Variants in TMEM132D observed in about 807,000 individuals in gnomAD.
TMEM132D encodes mature OL transmembrane protein.
Under a neutral mutation model 62.3 loss-of-function variants are expected in TMEM132D, and 21 were observed. That is an observed-to-expected ratio of 0.34 (90% CI 0.24 to 0.49). The LOEUF is 0.49. Among genes scored for constraint, TMEM132D ranks in the 20% least tolerant of loss-of-function variants. The pLI, the probability that TMEM132D is intolerant of heterozygous loss-of-function variation, is 0.99. For missense variants in TMEM132D, 1,346 were observed against 1,402.8 expected (o/e 0.96, Z 0.65); for synonymous variants, 621 against 575.6 (o/e 1.08, Z -1.13).
chr12:129,251,510 G>T (rs1880266254), intron 4 of TMEM132D, among the ~76,000 whole-genome samples: 1 of 152,118 alleles, frequency 6.6e-6, no homozygotes, highest in Non-Finnish European at 1.5e-5. Context: ...CTGTTTGCCT[G>T]CAGGCATCTC....
At chr12:129,163,197 A>G (rs1037184571) in intron 5 of TMEM132D, among the ~76,000 whole-genome samples, 2 of 152,222 alleles carry the variant, frequency 1.3e-5, no homozygotes, top group Admixed American at 1.3e-4. Context: ...CAACAATACA[A>G]GTTGTAATTG....
intron 3 of TMEM132D, among the ~76,000 whole-genome samples, chr12:129,352,738 G>A (rs756284119): frequency 6.6e-6 from 1 of 152,076 alleles, no homozygotes; most frequent in African/African-American, 2.4e-5. Flanking sequence ...TCAGAATGGC[G>A]ATTATTAAAA....
At chr12:129,474,873 A>C (rs1874213925) in intron 3 of TMEM132D, among the ~76,000 whole-genome samples, 1 of 152,200 alleles carries the variant, frequency 6.6e-6, no homozygotes, top group Non-Finnish European at 1.5e-5. Context: ...TAAGCATCTG[A>C]GAGAAGCAGA....
intron 2 of TMEM132D, among the ~76,000 whole-genome samples, chr12:129,629,784 G>A (rs1467968395): frequency 2.6e-5 from 4 of 152,150 alleles, no homozygotes; most frequent in African/African-American, 4.8e-5. Context: ...TCTTGATATG[G>A]CCATTATGAA....
chr12:129,238,597 A>C (rs1435898337), intron 4 of TMEM132D, among the ~76,000 whole-genome samples: 1 of 152,196 alleles, frequency 6.6e-6, no homozygotes, highest in East Asian at 1.9e-4. Context: ...TTCTGTGACT[A>C]GTTCATTTCA....
In TMEM132D at chr12:129,484,857, T is replaced by C. The variant is rs182165697; in HGVS notation, c.1115+46202A>G. ...AATTCAAAACATTAAGAATTCAAAA[T>C]TTTTTTAAGGTAGCAGTGATTACAA... On this transcript the variant is annotated intron_variant, in intron 3 of 8. Coordinates refer to ENST00000422113, the MANE Select transcript of TMEM132D (RefSeq NM_133448.3). Among the ~76,000 whole-genome samples the C allele has an allele frequency of 1.6e-4, 24 of 152,290 alleles. No individual in the cohort carries two copies. In the East Asian group the frequency reaches 4.0e-3, roughly 26 times the overall value.
chr12:129,135,222 C>T (rs923349016), intron 5 of TMEM132D, among the ~76,000 whole-genome samples: 5 of 152,188 alleles, frequency 3.3e-5, no homozygotes, highest in African/African-American at 1.2e-4. Context: ...TTCAGATCTC[C>T]TCTGCCTGCA....
chr12:129,122,949 A>T (rs781207573), intron 5 of TMEM132D, among the ~76,000 whole-genome samples: 5 of 152,254 alleles, frequency 3.3e-5, no homozygotes, highest in African/African-American at 1.2e-4. Context: ...CGCCTTGCAT[A>T]AAAAACTTGA....
intron 2 of TMEM132D, among the ~76,000 whole-genome samples, chr12:129,539,600 C>G (rs1385354004): frequency 6.7e-6 from 1 of 148,196 alleles, no homozygotes; most frequent in Non-Finnish European, 1.5e-5. Flanking sequence ...TTAGCAGAGA[C>G]GGGATTTCAC....
At chr12:129,410,523 C>T (rs780319645) in intron 3 of TMEM132D, among the ~76,000 whole-genome samples, 2 of 151,712 alleles carry the variant, frequency 1.3e-5, no homozygotes, top group Non-Finnish European at 2.9e-5. Flanking sequence ...CCAAACCCAG[C>T]TAATTTTTGT....
At position 129,276,359 on chromosome 12, in the gene TMEM132D, G is replaced by A. The variant is rs74580967; in HGVS notation, c.1299+61275C>T. Among the ~76,000 whole-genome samples the A allele has an allele frequency of 5.5e-3, 837 of 152,286 alleles. 5 individuals carry two copies. Among genetic ancestry groups the A allele is most frequent in the African/African-American group, 0.018 (751 of 41,538 alleles). On this transcript the variant is annotated intron_variant, in intron 4 of 8. Transcript: ENST00000422113. ...GTTATACTGTCAAAGCGTGGAGAGC[G>A]TGCCAATTTTTTTCTCAGATAGCTT...
chr12:129,537,294 G>A (rs1387060159), intron 2 of TMEM132D, among the ~76,000 whole-genome samples: 2 of 152,008 alleles, frequency 1.3e-5, no homozygotes, highest in Non-Finnish European at 2.9e-5. Context: ...TTTAAACCTT[G>A]AGACTAAAAA....
At chr12:129,241,846 T>C (rs1174759124) in intron 4 of TMEM132D, among the ~76,000 whole-genome samples, 2 of 152,164 alleles carry the variant, frequency 1.3e-5, no homozygotes, top group Non-Finnish European at 2.9e-5. Context: ...GGAGAGGAGA[T>C]TATCAAAAAT....
Position 129,202,853 on chromosome 12 carries a change from G to A in TMEM132D, c.1443+6667C>T, listed in dbSNP as rs191222806. 7.7e-4 allele frequency among the ~76,000 whole-genome samples: 118 copies of A among 152,290 alleles called. 2 individuals carry two copies. The highest frequency in any genetic ancestry group is 3.7e-3 in the South Asian group (18 of 4,824). ...GTAATGCAGTTATGTTTTCCCTTCA[G>A]TGTTTAAACTACGTGAGGCAGCTTT... On this transcript the variant is annotated intron_variant, in intron 5 of 8. Transcript: ENST00000422113.
At chr12:129,796,335 T>C (rs1379717251) in intron 1 of TMEM132D, among the ~76,000 whole-genome samples, 1 of 152,214 alleles carries the variant, frequency 6.6e-6, no homozygotes, top group East Asian at 1.9e-4. Flanking sequence ...GTTTTTATTT[T>C]TTAAAAAAGT....
At chr12:129,348,452 G>T (rs1239196828) in intron 3 of TMEM132D, among the ~76,000 whole-genome samples, 2 of 152,008 alleles carry the variant, frequency 1.3e-5, no homozygotes, top group African/African-American at 4.8e-5. Flanking sequence ...AACCAACACA[G>T]GAACAGAAAA....
chr12:129,191,417 A>G (rs967839290), intron 5 of TMEM132D, among the ~76,000 whole-genome samples: 1 of 150,628 alleles, frequency 6.6e-6, no homozygotes, highest in African/African-American at 2.5e-5. Context: ...AGAGAGATCT[A>G]TATGAAAATA....
intron 1 of TMEM132D, among the ~76,000 whole-genome samples, chr12:129,798,578 A>G (rs1451985119): frequency 6.6e-6 from 1 of 152,226 alleles, no homozygotes; most frequent in East Asian, 1.9e-4. Flanking sequence ...TCTAATGGGT[A>G]CATGCACTGT....
intron 5 of TMEM132D, among the ~76,000 whole-genome samples, chr12:129,182,554 C>T (rs964741133): frequency 2.6e-5 from 4 of 152,188 alleles, no homozygotes; most frequent in African/African-American, 7.2e-5. Context: ...GGCAAAGTCG[C>T]CTCTTCCTGG....
Sources: allele counts gnomAD v4.1 joint callset (sites outside exome capture counted in the v4.1 genomes callset), GRCh38; gene constraint gnomAD v4.1.1; transcripts MANE v1.5; gene names NCBI Gene and HGNC (gene_info 2026-07-23, HGNC 2026-07-21).